The following TTC34 variants were observed in gnomAD, a reference collection of about 807,000 sequenced individuals.
The protein encoded by TTC34 is tetratricopeptide repeat domain 34.
A neutral mutation model predicts 40.7 loss-of-function variants in TTC34; 44 were observed. That is an observed-to-expected ratio of 1.08 (90% confidence interval 0.85 to 1.39). The LOEUF is 1.39. Ranked by LOEUF, TTC34 falls within the 40% of genes most tolerant of loss-of-function variation. The probability of loss-of-function intolerance (pLI) is 0.00; values close to 1 mark genes in which losing one functional copy is unlikely to be tolerated. For missense variants in TTC34, 884 were observed against 838.0 expected (o/e 1.05, Z -0.68); for synonymous variants, 422 against 398.6 (o/e 1.06, Z -0.70).
chr1:2,657,498 C>G (rs1453929806), intron 6 of TTC34, among the ~76,000 whole-genome samples: 6 of 96,720 alleles, frequency 6.2e-5, no homozygotes, highest in South Asian at 3.0e-4. Context: ...GCAGCACCCA[C>G]AACCCCAGGC....
At chr1:2,751,971 C>A (rs1322651251) in intron 6 of TTC34, among the ~76,000 whole-genome samples, 2 of 119,480 alleles carry the variant, frequency 1.7e-5, no homozygotes, top group East Asian at 5.8e-4. Context: ...CGCCCACACC[C>A]CCAGGCGAGC....
chr1:2,686,787 G>T (rs1640376183), intron 6 of TTC34, among the ~76,000 whole-genome samples: 1 of 143,056 alleles, frequency 7.0e-6, no homozygotes, highest in South Asian at 2.2e-4. Context: ...GTGACAGCCT[G>T]GATCAGCACC....
At chr1:2,686,261 G>T (rs1258630203) in intron 6 of TTC34, among the ~76,000 whole-genome samples, 2 of 121,382 alleles carry the variant, frequency 1.6e-5, no homozygotes, top group Middle Eastern at 4.7e-3. Context: ...GCATCTGACA[G>T]CGTGGAGGAG....
intron 6 of TTC34, among the ~76,000 whole-genome samples, chr1:2,761,117 A>C (rs1641672406): frequency 4.1e-5 from 2 of 48,216 alleles, no homozygotes; most frequent in South Asian, 1.4e-3. Context: ...GGAGCATCAC[A>C]TACTCCCCCA....
intron 6 of TTC34, among the ~76,000 whole-genome samples, chr1:2,652,058 C>G (rs1639154150): frequency 6.0e-5 from 5 of 83,264 alleles, no homozygotes; most frequent in African/African-American, 8.6e-5. Flanking sequence ...AGGTGAGCAT[C>G]TGACAGCCTG....
intron 6 of TTC34, among the ~76,000 whole-genome samples, chr1:2,691,963 C>A (rs767972983): frequency 2.6e-5 from 2 of 77,876 alleles, no homozygotes; most frequent in Admixed American, 2.9e-4. Flanking sequence ...GAGCATCTGA[C>A]AGACTGGAAC....
At chr1:2,787,011 G>A (rs977746648) in intron 4 of TTC34, among the ~76,000 whole-genome samples, 2 of 152,184 alleles carry the variant, frequency 1.3e-5, no homozygotes, top group East Asian at 1.9e-4. Context: ...ACAGGAACCC[G>A]GGATAGCACC....
At chr1:2,641,010 C>T (rs1025128697) in exon 9 of TTC34, 19 of 77,208 alleles carry the variant, frequency 2.5e-4, no homozygotes, top group South Asian at 1.5e-3. Flanking sequence ...GGCAGGGAAG[C>T]GGGGTGTGGG....
At position 2,694,779 on chromosome 1, in the gene TTC34, G is replaced by T. The variant is rs371172918; in HGVS notation, c.2227-49216C>A. Among the ~76,000 whole-genome samples the T allele has an allele frequency of 5.8e-5, 2 of 34,356 alleles. 1 individual carries two copies. The highest frequency in any genetic ancestry group is 5.6e-4 in the Admixed American group (2 of 3,548). 22.5% of individuals were successfully genotyped at this position (34,356 alleles called of 152,430 possible). On this transcript the variant is annotated intron_variant, in intron 6 of 8. Transcript: ENST00000401095. Reference sequence around the variant, plus strand: ...ACAGGTGAGCATCCGACAGCCTGGAGCAGCACCCACACACCCAGGCGAGCA... The same window carrying T: ...ACAGGTGAGCATCCGACAGCCTGGATCAGCACCCACACACCCAGGCGAGCA...
chr1:2,701,092 G>A (rs1181449788), intron 6 of TTC34, among the ~76,000 whole-genome samples: 1 of 1,108 alleles, frequency 9.0e-4, no homozygotes, highest in African/African-American at 1.6e-3. Context: ...CTGGAGCAGC[G>A]CCCACACCCC....
At chr1:2,792,176 T>C (rs1266374212) in intron 2 of TTC34, among the ~76,000 whole-genome samples, 1 of 151,742 alleles carries the variant, frequency 6.6e-6, no homozygotes, top group Non-Finnish European at 1.5e-5. Flanking sequence ...CTTTTGGATG[T>C]TTTTTGGAGT....
At chr1:2,685,122 C>G (rs566361545) in intron 6 of TTC34, among the ~76,000 whole-genome samples, 1 of 144,558 alleles carries the variant, frequency 6.9e-6, no homozygotes, top group East Asian at 2.0e-4. Flanking sequence ...CCCACACCCC[C>G]AGGCGAGCAT....
At chr1:2,800,374 C>A (rs1430112502) in exon 2 of TTC34, 1 of 398,500 alleles carries the variant, frequency 2.5e-6, no homozygotes, top group Non-Finnish European at 4.4e-6. Flanking sequence ...GCTGCCTGCA[C>A]CCCGGACAGG....
At chr1:2,684,008 T>A (rs1424359362) in intron 6 of TTC34, among the ~76,000 whole-genome samples, 2 of 145,742 alleles carry the variant, frequency 1.4e-5, no homozygotes, top group Non-Finnish European at 1.5e-5. Context: ...CAGGTGAGCA[T>A]CTGACAGCCT....
At chr1:2,752,604 G>T (rs1361191392) in intron 6 of TTC34, among the ~76,000 whole-genome samples, 1 of 99,596 alleles carries the variant, frequency 1.0e-5, no homozygotes, top group Admixed American at 1.1e-4. Flanking sequence ...CCTGGAACAG[G>T]ACAAACACCC....
At chr1:2,752,432 C>T (rs1641351839) in intron 6 of TTC34, among the ~76,000 whole-genome samples, 1 of 147,118 alleles carries the variant, frequency 6.8e-6, no homozygotes, top group Non-Finnish European at 1.5e-5. Flanking sequence ...CATCTGACAG[C>T]CTGGAACAGC....
chr1:2,782,499 G>A (rs1643500349), intron 6 of TTC34, among the ~76,000 whole-genome samples: 1 of 104,626 alleles, frequency 9.6e-6, no homozygotes, highest in South Asian at 4.0e-4. Flanking sequence ...GATCTCTGCT[G>A]TAATCTTTTT....
chr1:2,801,309 C>T (rs1445178469), intron 1 of TTC34, among the ~76,000 whole-genome samples: 1 of 151,974 alleles, frequency 6.6e-6, no homozygotes, highest in Non-Finnish European at 1.5e-5. Flanking sequence ...GGACGCAGGA[C>T]CACACCCCTG....
chr1:2,767,703 C>G (rs1267794526), intron 6 of TTC34, among the ~76,000 whole-genome samples: 4 of 133,750 alleles, frequency 3.0e-5, no homozygotes, highest in African/African-American at 8.6e-5. Flanking sequence ...GAGGATCTGA[C>G]TACCTGGAAC....
Sources: gnomAD v4.1 joint callset for allele counts (sites outside exome capture counted in the v4.1 genomes callset) on GRCh38, gnomAD v4.1.1 for gene constraint, MANE v1.5 for transcripts, NCBI Gene and HGNC (gene_info 2026-07-23, HGNC 2026-07-21) for gene names.